GMDS: variants seen among roughly 807,000 people sequenced by gnomAD.
GMDS encodes the protein GDP-mannose 4,6-dehydratase, also known as GDP-mannose 4,6 dehydratase.
A neutral mutation model predicts 49.9 loss-of-function variants in GMDS; 20 were observed. The ratio of observed to expected loss-of-function variants is 0.40; its 90% CI spans 0.28 to 0.58. GMDS has a LOEUF of 0.58. Among genes scored for constraint, GMDS ranks in the 20% least tolerant of loss-of-function variants. The pLI, the probability that GMDS is intolerant of heterozygous loss-of-function variation, is 0.42. For synonymous variants in GMDS, 177 were observed against 178.6 expected, an observed-to-expected ratio of 0.99 and a Z score of 0.07; for missense variants, 362 against 481.4, an observed-to-expected ratio of 0.75 and a Z score of 2.32.
chr6:1,730,327 G>C (rs1329555645), intron 8 of GMDS, among the ~76,000 whole-genome samples: 1 of 152,194 alleles, frequency 6.6e-6, no homozygotes, highest in African/African-American at 2.4e-5. Flanking sequence ...CCAAATTCTG[G>C]AAGCTGGAAA....
intron 7 of GMDS, among the ~76,000 whole-genome samples, chr6:1,817,326 C>T (rs566783999): frequency 1.3e-5 from 2 of 152,244 alleles, no homozygotes; most frequent in African/African-American, 4.8e-5. Context: ...AAATGTAATG[C>T]AGCCAACAAA....
chr6:2,120,910 A>G (rs930303748), intron 2 of GMDS, among the ~76,000 whole-genome samples: 1 of 152,204 alleles, frequency 6.6e-6, no homozygotes, highest in Non-Finnish European at 1.5e-5. Flanking sequence ...GCTTGTCCAC[A>G]TTAGACCCCA....
intron 7 of GMDS, among the ~76,000 whole-genome samples, chr6:1,831,078 G>A (rs921065376): frequency 2.0e-5 from 3 of 152,222 alleles, no homozygotes; most frequent in African/African-American, 7.2e-5. Context: ...ATCCAGCAGA[G>A]TTATTCTGGT....
chr6:2,135,839 T>A (rs1429452726), intron 1 of GMDS, among the ~76,000 whole-genome samples: 1 of 152,206 alleles, frequency 6.6e-6, no homozygotes, highest in East Asian at 1.9e-4. Flanking sequence ...TAAAAAATTA[T>A]CCAGATATTT....
intron 7 of GMDS, among the ~76,000 whole-genome samples, chr6:1,767,555 C>T (rs1768407134): frequency 6.6e-6 from 1 of 152,222 alleles, no homozygotes; most frequent in South Asian, 2.1e-4. Context: ...TCCCGAGTCT[C>T]CCAGACTGAC....
At chr6:2,047,353 T>C (rs1297047401) in intron 4 of GMDS, among the ~76,000 whole-genome samples, 1 of 152,168 alleles carries the variant, frequency 6.6e-6, no homozygotes, top group Non-Finnish European at 1.5e-5. Context: ...ACAAGGGCAG[T>C]GGAAAAGAAA....
At chr6:2,041,267 T>A (rs1561998841) in intron 4 of GMDS, among the ~76,000 whole-genome samples, 4 of 152,150 alleles carry the variant, frequency 2.6e-5, no homozygotes, top group African/African-American at 9.7e-5. Flanking sequence ...ATTAGATAAA[T>A]AAATGCCTAA....
At chr6:1,944,902 CTCT>C (rs1763003208) in intron 6 of GMDS, among the ~76,000 whole-genome samples, 1 of 152,124 alleles carries the variant, frequency 6.6e-6, no homozygotes, top group Non-Finnish European at 1.5e-5. Context: ...TTCTGTTATT[CTCT>C]TCTGTCACAG....
chr6:1,717,469 G>C (rs1766216143), intron 9 of GMDS: 1 of 152,162 alleles, frequency 6.6e-6, no homozygotes, highest in Admixed American at 6.5e-5. Context: ...TGTAGAGCTT[G>C]CTGGATCTCA....
intron 7 of GMDS, among the ~76,000 whole-genome samples, chr6:1,837,674 T>C (rs1756985461): frequency 6.6e-6 from 1 of 152,196 alleles, no homozygotes; most frequent in South Asian, 2.1e-4. Context: ...CTGCACTCAA[T>C]GGACTGACTG....
At chr6:2,239,292 T>C (rs1236541751) in intron 1 of GMDS, among the ~76,000 whole-genome samples, 1 of 150,118 alleles carries the variant, frequency 6.7e-6, no homozygotes, top group Non-Finnish European at 1.5e-5. Context: ...CATACCACCA[T>C]TGCACTCCAG....
rs1204215223 is a variant in GMDS at position 2,223,145 on chromosome 6, C to CTA, written c.102+22175_102+22176insTA. On this transcript the variant is annotated intron_variant, in intron 1 of 10. Transcript: ENST00000380815. ...AATCAATCAATAGCGCGCTCTCTCT[C>CTA]TCTCTATATATATATACACACATAT... is the stretch of plus-strand genomic sequence containing the variant. Among the ~76,000 whole-genome samples the CTA allele has an allele frequency of 4.9e-4, 75 of 151,840 alleles. 1 individual carries two copies. The highest frequency in any genetic ancestry group is 1.5e-3 in the African/African-American group (61 of 41,256).
At chr6:1,889,899 G>C (rs774917324) in intron 7 of GMDS, among the ~76,000 whole-genome samples, 2 of 151,972 alleles carry the variant, frequency 1.3e-5, no homozygotes, top group Non-Finnish European at 2.9e-5. Context: ...CTTTTACTTA[G>C]CATAATGTTT....
chr6:1,989,894 T>C (rs1765821056), intron 4 of GMDS, among the ~76,000 whole-genome samples: 1 of 152,282 alleles, frequency 6.6e-6, no homozygotes, highest in Non-Finnish European at 1.5e-5. Context: ...ATTTTGGACA[T>C]GGTACTGAAC....
chr6:1,803,986 C>T (rs932906452), intron 7 of GMDS, among the ~76,000 whole-genome samples: 1 of 152,170 alleles, frequency 6.6e-6, no homozygotes, highest in Admixed American at 6.5e-5. Context: ...AGTTTTAATA[C>T]ACATTTTGAA....
chr6:1,742,329 C>T lies in GMDS; in HGVS notation c.890+139G>A, dbSNP rs943231379. On this transcript the variant is annotated intron_variant, in intron 8 of 10. Transcript: ENST00000380815. ...GGCTGGATGCAGAGCAGAGCAAAGG[C>T]CCCACTCTACACTGAAACTTTCTGT... The T allele has an allele frequency of 2.5e-5, 15 of 600,940 alleles. No individual in the cohort carries two copies. The East Asian group carries it at 2.9e-4, about 11-fold the overall frequency. The allele number at this position is 600,940 out of a possible 1,614,324, so 37.2% of individuals were successfully genotyped here.
intron 1 of GMDS, among the ~76,000 whole-genome samples, chr6:2,168,997 T>C (rs1017742818): frequency 1.3e-5 from 2 of 152,186 alleles, no homozygotes; most frequent in Middle Eastern, 3.2e-3. Flanking sequence ...TTTAAAGTCA[T>C]AGGTAGAAAG....
chr6:1,668,914 GGA>G (rs1378886601), intron 9 of GMDS, among the ~76,000 whole-genome samples: 1 of 152,236 alleles, frequency 6.6e-6, no homozygotes, highest in Non-Finnish European at 1.5e-5. Context: ...TATCAGCTCA[GGA>G]GAACAGAGCC....
intron 4 of GMDS, among the ~76,000 whole-genome samples, chr6:2,013,024 GTCTCCT>G: frequency 6.6e-6 from 1 of 152,090 alleles, no homozygotes; most frequent in Non-Finnish European, 1.5e-5. Flanking sequence ...TATCTGTCCT[GTCTCCT>G]TTGAAAGAGA....
Sources: gnomAD v4.1 joint callset for allele counts (sites outside exome capture counted in the v4.1 genomes callset) on GRCh38, gnomAD v4.1.1 for gene constraint, MANE v1.5 for transcripts, NCBI Gene and HGNC (gene_info 2026-07-23, HGNC 2026-07-21) for gene names.